PTPRT: variants seen among roughly 807,000 people sequenced by gnomAD.
The protein encoded by PTPRT is receptor-type tyrosine-protein phosphatase T.
A neutral mutation model predicts 176.8 loss-of-function variants in PTPRT; 56 were observed. That is an observed-to-expected ratio of 0.32 (90% confidence interval 0.26 to 0.40). The LOEUF is 0.40. PTPRT is among the 10% of genes least tolerant of loss of function. PTPRT has a pLI of 1.00. For missense variants in PTPRT, 1,540 were observed against 1,908.2 expected (o/e 0.81, Z 3.60); for synonymous variants, 783 against 739.0 (o/e 1.06, Z -0.96).
At chr20:42,689,132 GT>G (rs2075750073) in intron 6 of PTPRT, among the ~76,000 whole-genome samples, 1 of 152,164 alleles carries the variant, frequency 6.6e-6, no homozygotes, top group Non-Finnish European at 1.5e-5. Flanking sequence ...AGACATTTCT[GT>G]TTTCGCACCC....
chr20:42,255,460 G>A (rs1390583274), intron 13 of PTPRT, among the ~76,000 whole-genome samples: 1 of 152,128 alleles, frequency 6.6e-6, no homozygotes, highest in Admixed American at 6.5e-5. Flanking sequence ...TCTATGAACT[G>A]TAGGTCATAG....
At chr20:42,250,619 A>G (rs973533404) in intron 13 of PTPRT, among the ~76,000 whole-genome samples, 4 of 152,160 alleles carry the variant, frequency 2.6e-5, no homozygotes, top group Non-Finnish European at 4.4e-5. Flanking sequence ...AAGTCACCCT[A>G]TTCATCTCTC....
intron 1 of PTPRT, among the ~76,000 whole-genome samples, chr20:43,029,205 G>A (rs1469616244): frequency 6.6e-6 from 1 of 152,200 alleles, no homozygotes; most frequent in Non-Finnish European, 1.5e-5. Context: ...AAGCCATGAT[G>A]GTACAGTAGT....
rs190548510 is a variant in PTPRT, at chr20:42,808,863, A to G, written c.215-17397T>C. Among the ~76,000 whole-genome samples the G allele has an allele frequency of 2.1e-4, 32 of 152,252 alleles. No individual in the cohort carries two copies. The East Asian group carries it at 6.0e-3, about 29-fold the overall frequency. ...ACTGTTGGGTAGATGCTCAACAAAC[A>G]TGGGCACACCTCAAAGTCTGCTGAC... On this transcript the variant is annotated intron_variant, in intron 2 of 30. Transcript: ENST00000373187.
At chr20:43,002,932 A>T (rs1984656534) in intron 1 of PTPRT, among the ~76,000 whole-genome samples, 1 of 152,218 alleles carries the variant, frequency 6.6e-6, no homozygotes, top group South Asian at 2.1e-4. Flanking sequence ...TGGTTCTTTG[A>T]GAAAAAGAAA....
chr20:42,422,554 G>T (rs1009424651), intron 9 of PTPRT, among the ~76,000 whole-genome samples: 1 of 152,162 alleles, frequency 6.6e-6, no homozygotes, highest in Non-Finnish European at 1.5e-5. Flanking sequence ...ATAAACAGAT[G>T]CTAGCGAGGA....
In PTPRT at chr20:43,052,391, A is replaced by G. The variant is rs374000602; in HGVS notation, c.88+137255T>C. ...CAGTTCACTTACTCAACAGATGTTT[A>G]TTGGCTATTTGGTGTGTGCCATGTA... On this transcript the variant is annotated intron_variant, in intron 1 of 30. Coordinates refer to ENST00000373187, the MANE Select transcript of PTPRT (RefSeq NM_007050.6). Among the ~76,000 whole-genome samples, 33 of 152,364 alleles carry G rather than the reference A, an allele frequency of 2.2e-4. No individual in the cohort carries two copies. The East Asian group carries it at 2.5e-3, about 12-fold the overall frequency.
At chr20:42,201,230 G>A (rs1600668275) in intron 15 of PTPRT, among the ~76,000 whole-genome samples, 1 of 152,280 alleles carries the variant, frequency 6.6e-6, no homozygotes, top group East Asian at 1.9e-4. Flanking sequence ...AGCCCAAGAG[G>A]TGGAGGCTGC....
At chr20:42,635,011 G>A (rs1217149625) in intron 7 of PTPRT, among the ~76,000 whole-genome samples, 1 of 151,976 alleles carries the variant, frequency 6.6e-6, no homozygotes, top group African/African-American at 2.4e-5. Flanking sequence ...ACAATCTTTG[G>A]ATGACTGAAT....
At chr20:43,024,919 A>G (rs1985850715) in intron 1 of PTPRT, among the ~76,000 whole-genome samples, 1 of 152,214 alleles carries the variant, frequency 6.6e-6, no homozygotes, top group African/African-American at 2.4e-5. Flanking sequence ...GGTACCCAAA[A>G]TGTACCATAG....
At chr20:42,459,278 G>C (rs1446710230) in intron 8 of PTPRT, among the ~76,000 whole-genome samples, 2 of 152,170 alleles carry the variant, frequency 1.3e-5, no homozygotes, top group Non-Finnish European at 2.9e-5. Context: ...TGACACAGAG[G>C]CAAACAAAAG....
intron 1 of PTPRT, among the ~76,000 whole-genome samples, chr20:43,025,333 T>C (rs760227396): frequency 2.6e-5 from 4 of 152,220 alleles, no homozygotes; most frequent in Non-Finnish European, 5.9e-5. Context: ...TACAACAGTA[T>C]CACAAAAGTT....
At chr20:42,524,599 C>A (rs2072236144) in intron 7 of PTPRT, among the ~76,000 whole-genome samples, 1 of 152,096 alleles carries the variant, frequency 6.6e-6, no homozygotes, top group African/African-American at 2.4e-5. Context: ...ATCTAAGTGT[C>A]TTTTGATTCT....
intron 1 of PTPRT, among the ~76,000 whole-genome samples, chr20:43,030,022 G>A (rs564377396): frequency 2.0e-5 from 3 of 152,314 alleles, no homozygotes; most frequent in African/African-American, 7.2e-5. Context: ...ACTGAATGGG[G>A]AACATTTATT....
chr20:43,161,781 G>A (rs1344905580), intron 1 of PTPRT, among the ~76,000 whole-genome samples: 2 of 152,088 alleles, frequency 1.3e-5, no homozygotes, highest in African/African-American at 4.8e-5. Flanking sequence ...ACCCTCAGGA[G>A]CCTAACTTTT....
At chr20:42,221,032 C>T (rs1461491071) in intron 15 of PTPRT, among the ~76,000 whole-genome samples, 1 of 152,178 alleles carries the variant, frequency 6.6e-6, no homozygotes, top group Non-Finnish European at 1.5e-5. Flanking sequence ...TGGAGTCTCA[C>T]TCTGTCTCCC....
At chr20:42,910,642 A>T (rs547957628) in intron 1 of PTPRT, among the ~76,000 whole-genome samples, 1 of 152,162 alleles carries the variant, frequency 6.6e-6, no homozygotes, top group South Asian at 2.1e-4. Flanking sequence ...CCTCTAGGGA[A>T]CCCCTTTTTC....
At chr20:42,569,270 C>T in intron 7 of PTPRT, among the ~76,000 whole-genome samples, 1 of 151,154 alleles carries the variant, frequency 6.6e-6, no homozygotes, top group East Asian at 2.0e-4. Flanking sequence ...TGAGTAAATA[C>T]TTCACTATGA....
intron 2 of PTPRT, among the ~76,000 whole-genome samples, chr20:42,829,425 G>A (rs1223948918): frequency 1.3e-5 from 2 of 152,198 alleles, no homozygotes; most frequent in Non-Finnish European, 2.9e-5. Flanking sequence ...GACTTTGGGG[G>A]ACTGTTAGAA....
Sources: allele counts gnomAD v4.1 joint callset (sites outside exome capture counted in the v4.1 genomes callset), GRCh38; gene constraint gnomAD v4.1.1; transcripts MANE v1.5; gene names NCBI Gene and HGNC (gene_info 2026-07-23, HGNC 2026-07-21).